Variants in ST6GALNAC5 observed in about 807,000 individuals in gnomAD.
ST6GALNAC5 encodes the protein ST6 N-acetylgalactosaminide alpha-2,6-sialyltransferase 5, also known as alpha-N-acetylgalactosaminide alpha-2,6-sialyltransferase 5.
ST6GALNAC5 carries 27 observed loss-of-function variants against 33.6 expected under a neutral mutation model. The observed-to-expected ratio is 0.80, with a 90% CI of 0.59 to 1.11. The LOEUF (loss-of-function observed/expected upper bound fraction) is 1.11. Ranked by LOEUF, ST6GALNAC5 falls within the 50% of genes least tolerant of loss-of-function variation. The pLI, the probability that ST6GALNAC5 is intolerant of heterozygous loss-of-function variation, is 0.00. For synonymous variants in ST6GALNAC5, 194 were observed against 171.2 expected, an observed-to-expected ratio of 1.13 and a Z score of -1.04; for missense variants, 428 against 454.0, an observed-to-expected ratio of 0.94 and a Z score of 0.52.
chr1:76,885,361 A>G (rs150199844), intron 2 of ST6GALNAC5, among the ~76,000 whole-genome samples: 15 of 152,266 alleles, frequency 9.9e-5, no homozygotes, highest in African/African-American at 3.1e-4. Context: ...AAAAAAAAAG[A>G]GGAAAGTTAC....
At chr1:77,022,924 G>A (rs570621789) in intron 2 of ST6GALNAC5, among the ~76,000 whole-genome samples, 5 of 152,244 alleles carry the variant, frequency 3.3e-5, no homozygotes, top group African/African-American at 1.2e-4. Flanking sequence ...AAATTTGTAC[G>A]TGGAAGTCCT....
chr1:76,910,709 CA>C (rs1276070170), intron 2 of ST6GALNAC5, among the ~76,000 whole-genome samples: 1 of 151,908 alleles, frequency 6.6e-6, no homozygotes, highest in East Asian at 1.9e-4. Flanking sequence ...GAATAAGATG[CA>C]TATTATCAAT....
At chr1:76,958,338 C>A (rs903065820) in intron 2 of ST6GALNAC5, among the ~76,000 whole-genome samples, 2 of 152,184 alleles carry the variant, frequency 1.3e-5, no homozygotes, top group Non-Finnish European at 2.9e-5. Context: ...ACATTTAACT[C>A]AGTCCGGCAG....
chr1:77,002,668 C>T (rs1650222418), intron 2 of ST6GALNAC5, among the ~76,000 whole-genome samples: 1 of 150,882 alleles, frequency 6.6e-6, no homozygotes, highest in Admixed American at 6.6e-5. Flanking sequence ...TTGAATGCGT[C>T]CCAGAGATTC....
At chr1:76,980,534 A>G (rs1649207426) in intron 2 of ST6GALNAC5, among the ~76,000 whole-genome samples, 1 of 152,238 alleles carries the variant, frequency 6.6e-6, no homozygotes, top group African/African-American at 2.4e-5. Flanking sequence ...ATATTTTGCT[A>G]CTTAGTACTT....
chr1:76,991,876 C>T (rs750561421), intron 2 of ST6GALNAC5, among the ~76,000 whole-genome samples: 1 of 152,018 alleles, frequency 6.6e-6, no homozygotes, highest in African/African-American at 2.4e-5. Context: ...GACACCCTGC[C>T]TATTCCTGAA....
chr1:76,984,234 G>T (rs1649385156), intron 2 of ST6GALNAC5, among the ~76,000 whole-genome samples: 1 of 152,064 alleles, frequency 6.6e-6, no homozygotes, highest in African/African-American at 2.4e-5. Context: ...CTGGTTTTTT[G>T]AAAAGATTAA....
intron 2 of ST6GALNAC5, among the ~76,000 whole-genome samples, chr1:76,931,870 A>T (rs143365681): frequency 6.6e-6 from 1 of 152,118 alleles, no homozygotes; most frequent in Non-Finnish European, 1.5e-5. Context: ...ACATTTAAGG[A>T]TCATGCAGAA....
intron 2 of ST6GALNAC5, among the ~76,000 whole-genome samples, chr1:77,031,939 G>T (rs1557767977): frequency 2.0e-5 from 3 of 152,158 alleles, no homozygotes; most frequent in Non-Finnish European, 4.4e-5. Flanking sequence ...GAGAAACAGG[G>T]TGCTTCAGTA....
intron 3 of ST6GALNAC5, 59 bp from the exon 4 acceptor site, chr1:77,050,199 T>C (rs888268467): frequency 1.4e-6 from 2 of 1,388,090 alleles, no homozygotes; most frequent in African/African-American, 1.4e-5. Context: ...GAATTAAAGA[T>C]GGTAGTGGGT....
chr1:76,961,537 C>G lies in ST6GALNAC5; in HGVS notation c.262-82667C>G, dbSNP rs578205094. On this transcript the variant is annotated intron_variant, in intron 2 of 4. Coordinates refer to ENST00000477717, the MANE Select transcript of ST6GALNAC5 (RefSeq NM_030965.3). ...CCATGATCTGCCCATGCCGCCTTCT[C>G]CAGCATCATCTGCTACTCCAACTCC... 2.0e-5 allele frequency among the ~76,000 whole-genome samples: 3 copies of G among 152,280 alleles called. No homozygotes were observed. The South Asian group carries it at 6.2e-4, about 32-fold the overall frequency.
At chr1:76,922,293 T>C (rs993971516) in intron 2 of ST6GALNAC5, among the ~76,000 whole-genome samples, 2 of 152,102 alleles carry the variant, frequency 1.3e-5, no homozygotes, top group African/African-American at 4.8e-5. Context: ...TACTTAGGTA[T>C]AAACCTAACA....
At chr1:76,897,686 T>C (rs1178083492) in intron 2 of ST6GALNAC5, among the ~76,000 whole-genome samples, 1 of 152,138 alleles carries the variant, frequency 6.6e-6, no homozygotes, top group Non-Finnish European at 1.5e-5. Flanking sequence ...CAGTAAGATG[T>C]AGCTGTAATC....
chr1:76,921,304 T>C lies in ST6GALNAC5; in HGVS notation c.261+52562T>C, dbSNP rs138968279. On this transcript the variant is annotated intron_variant, in intron 2 of 4. Transcript: ENST00000477717. Reference sequence around the variant, plus strand: ...AAGACACTAAGAACTGGAAAGAAAATGAGTGAAAAGGGGCTCTTCTTTTCC... The same window carrying C: ...AAGACACTAAGAACTGGAAAGAAAACGAGTGAAAAGGGGCTCTTCTTTTCC... 2.0e-4 allele frequency among the ~76,000 whole-genome samples: 30 copies of C among 151,934 alleles called. No individual in the cohort carries two copies. In the East Asian group the frequency reaches 5.8e-3, roughly 29 times the overall value.
At chr1:76,884,628 T>A (rs1203391888) in intron 2 of ST6GALNAC5, among the ~76,000 whole-genome samples, 1 of 152,168 alleles carries the variant, frequency 6.6e-6, no homozygotes, top group African/African-American at 2.4e-5. Flanking sequence ...GAGTAAGAAA[T>A]GACACCAGTT....
At chr1:76,911,752 T>C (rs1646915158) in intron 2 of ST6GALNAC5, among the ~76,000 whole-genome samples, 1 of 152,220 alleles carries the variant, frequency 6.6e-6, no homozygotes, top group South Asian at 2.1e-4. Context: ...TAGTATTCTC[T>C]GATGGTAGTT....
chr1:77,043,420 G>A (rs1036468328), intron 2 of ST6GALNAC5, among the ~76,000 whole-genome samples: 7 of 152,230 alleles, frequency 4.6e-5, no homozygotes, highest in Non-Finnish European at 8.8e-5. Flanking sequence ...CATGATGCGT[G>A]TTCACTGCAG....
intron 2 of ST6GALNAC5, among the ~76,000 whole-genome samples, chr1:76,899,123 C>T (rs1235154699): frequency 6.6e-6 from 1 of 152,086 alleles, no homozygotes; most frequent in Non-Finnish European, 1.5e-5. Flanking sequence ...TTTGGAACTA[C>T]TGTCGAGTTT....
chr1:76,925,225 C>T (rs77081301), intron 2 of ST6GALNAC5, among the ~76,000 whole-genome samples: 2,456 of 152,172 alleles, frequency 0.016, 26 homozygotes, highest in Middle Eastern at 0.034. Flanking sequence ...TCTGCCCCCA[C>T]GATCCAATGC....
Sources: gnomAD v4.1 joint callset for allele counts (sites outside exome capture counted in the v4.1 genomes callset) on GRCh38, gnomAD v4.1.1 for gene constraint, MANE v1.5 for transcripts, NCBI Gene and HGNC (gene_info 2026-07-23, HGNC 2026-07-21) for gene names.